The following CEP89 variants were observed in gnomAD, a reference collection of about 807,000 sequenced individuals.
CEP89 encodes centrosomal protein of 89 kDa.
In CEP89, 95 loss-of-function variants were observed where a neutral mutation model predicts 97.6. That is an observed-to-expected ratio of 0.97 (90% CI 0.82 to 1.15). CEP89 has a LOEUF of 1.15. CEP89 is among the 50% of genes most tolerant of loss of function. CEP89 has a pLI of 0.00. For synonymous variants in CEP89, 354 were observed against 349.1 expected, an observed-to-expected ratio of 1.01 and a Z score of -0.16; for missense variants, 869 against 947.7, an observed-to-expected ratio of 0.92 and a Z score of 1.09.
chr19:32,956,899 A>T (rs1287779196), intron 3 of CEP89, among the ~76,000 whole-genome samples: 1 of 152,156 alleles, frequency 6.6e-6, no homozygotes, highest in Non-Finnish European at 1.5e-5. Flanking sequence ...TCACAGTCTT[A>T]TTTGTGTGTC....
At chr19:32,889,682 G>A (rs118128543) in intron 16 of CEP89, among the ~76,000 whole-genome samples, 3,130 of 152,262 alleles carry the variant, frequency 0.021, 54 homozygotes, top group Middle Eastern at 0.061. Flanking sequence ...CCATGGGAGA[G>A]GCATGGGGCC....
chr19:32,893,449 C>T (rs571202249), intron 16 of CEP89, among the ~76,000 whole-genome samples: 1 of 152,258 alleles, frequency 6.6e-6, no homozygotes, highest in African/African-American at 2.4e-5. Flanking sequence ...GACTTCAACA[C>T]CCTACTCTCA....
At chr19:32,892,298 T>C (rs1413774690) in intron 16 of CEP89, among the ~76,000 whole-genome samples, 3 of 143,756 alleles carry the variant, frequency 2.1e-5, no homozygotes, top group East Asian at 4.0e-4. Flanking sequence ...CTTTCTTTTT[T>C]CTTTTTCCTT....
chr19:32,923,706 C>T (rs1273440055), intron 11 of CEP89, among the ~76,000 whole-genome samples, 164 bp from the exon 12 acceptor site: 2 of 152,174 alleles, frequency 1.3e-5, no homozygotes, highest in Non-Finnish European at 2.9e-5. Context: ...GTGGTGCCTG[C>T]TCTCAGGGAG....
rs1169866076 is a variant in CEP89 at position 32,933,549 on chromosome 19, G to T, written c.788C>A (p.Thr263Lys). The change falls in exon 8 of 19, where the codon ACA (threonine) becomes AAA (lysine). Residue 263 changes from threonine (T) to lysine (K), a missense_variant. Thr to Lys is a moderately conservative substitution (Grantham distance 78). Transcript: ENST00000305768. ...MNQSLTLELN[T>K]MKQAMKELQL... ...TAGTTCTTTCATTGCTTGTTTCATT[G>T]TGTTTAGTTCAAGGGTAAGGCTTTG... 1.9e-6 allele frequency: 3 copies of T among 1,613,302 alleles called. No individual in the cohort carries two copies. In the Admixed American group the frequency reaches 5.0e-5, roughly 27 times the overall value.
At chr19:32,907,455 ATTT>A (rs11323866) in intron 14 of CEP89, among the ~76,000 whole-genome samples, 9 of 142,070 alleles carry the variant, frequency 6.3e-5, no homozygotes, top group Non-Finnish European at 9.2e-5. Flanking sequence ...TGGTTTCTCT[ATTT>A]TTTTTTTTTT....
intron 3 of CEP89, among the ~76,000 whole-genome samples, chr19:32,958,134 G>C (rs576102246): frequency 4.0e-5 from 6 of 150,158 alleles, no homozygotes; most frequent in Non-Finnish European, 7.4e-5. Flanking sequence ...CGATTTACTC[G>C]TTTTTAGTTT....
intron 12 of CEP89, among the ~76,000 whole-genome samples, chr19:32,921,510 C>T (rs1001495105): frequency 2.0e-5 from 3 of 152,250 alleles, no homozygotes; most frequent in Admixed American, 2.0e-4. Context: ...CAAATCCCAA[C>T]AAATGCAGGA....
rs1970100023 is a variant in CEP89, at chr19:32,915,316, GA to G, written c.1565+20del. ...TCGAAAAAAGAAAAAAAAAAAAAAA[GA>G]AAAAACATTAAATCCTTACCTTTTT... On this transcript the variant is annotated intron_variant, in intron 14 of 18. Coordinates refer to ENST00000305768, the MANE Select transcript of CEP89 (RefSeq NM_032816.5). 1 of 1,354,136 alleles carries G rather than the reference GA, an allele frequency of 7.4e-7. No homozygotes were observed. Among genetic ancestry groups the G allele is most frequent in the South Asian group, 1.5e-5 (1 of 68,454 alleles). The allele number at this position is 1,354,136 out of a possible 1,614,324, so 83.9% of individuals were successfully genotyped here.
rs55851701 is a variant in CEP89, at chr19:32,878,416, G to A, written c.*746C>T. On this transcript the variant is annotated 3_prime_UTR_variant, in exon 19 of 19. Transcript: ENST00000305768. ...ACAAGAAAAGGCCCCCAGAGCTCAC[G>A]CACAGCTATCATCAGGGCCGGTGCC... is the stretch of plus-strand genomic sequence containing the variant. 0.049 allele frequency: 7,404 copies of A among 152,338 alleles called. 240 individuals are homozygous for A. The highest frequency in any genetic ancestry group is 0.15 in the South Asian group (710 of 4,818). The allele number at this position is 152,338 out of a possible 1,614,324, so 9.4% of individuals were successfully genotyped here. A position where few individuals can be genotyped will look rare whatever the true frequency, so the allele number is the denominator to read the frequency against.
chr19:32,942,463 T>C (rs1441572807), intron 5 of CEP89, among the ~76,000 whole-genome samples: 1 of 152,244 alleles, frequency 6.6e-6, no homozygotes, highest in Non-Finnish European at 1.5e-5. Context: ...CTAGTCTCTC[T>C]ACTTTTGTAC....
In CEP89 at chr19:32,931,551, A is replaced by G; in HGVS notation, c.907T>C (p.Tyr303His). The G allele has an allele frequency of 6.3e-7, 1 of 1,584,556 alleles. No homozygotes were observed. The highest frequency in any genetic ancestry group is 8.5e-7 in the Non-Finnish European group (1 of 1,173,644). Reference protein sequence around the residue: ...SQEVAAPELLYLRKQAQELVD... With the variant: ...SQEVAAPELLHLRKQAQELVD... ...AGTTCTTGAGCTTGTTTTCGCAGATAAAGTAATTCAGGTGCAGCAACTAGG... is the reference window on the plus strand; with the variant it reads ...AGTTCTTGAGCTTGTTTTCGCAGATGAAGTAATTCAGGTGCAGCAACTAGG... The change falls in exon 9 of 19, where the codon TAT (tyrosine) becomes CAT (histidine). Residue 303 changes from tyrosine to histidine, a missense_variant. Coordinates refer to ENST00000305768, the MANE Select transcript of CEP89 (RefSeq NM_032816.5).
At chr19:32,958,017 C>A (rs1180798002) in intron 3 of CEP89, among the ~76,000 whole-genome samples, 3 of 149,332 alleles carry the variant, frequency 2.0e-5, no homozygotes, top group Non-Finnish European at 3.0e-5. Context: ...AAAAAATCCC[C>A]CCCCCGCCAA....
intron 2 of CEP89, chr19:32,966,054 T>C: frequency 3.9e-6 from 1 of 258,066 alleles, no homozygotes; most frequent in Non-Finnish European, 7.3e-6. Flanking sequence ...ATGTGTATAA[T>C]TCAAAATTCC....
intron 14 of CEP89, among the ~76,000 whole-genome samples, chr19:32,904,702 CT>C (rs1490899019): frequency 2.6e-5 from 4 of 151,918 alleles, no homozygotes; most frequent in Non-Finnish European, 5.9e-5. Context: ...AGCGGTTCTC[CT>C]GCCTCAGCCT....
chr19:32,955,511 T>C (rs533140847), intron 3 of CEP89, among the ~76,000 whole-genome samples: 1 of 152,260 alleles, frequency 6.6e-6, no homozygotes, highest in East Asian at 1.9e-4. Flanking sequence ...TAAATTCTTT[T>C]TTTCTTTATC....
Position 32,898,397 on chromosome 19 carries a change from G to A in CEP89, c.1875+1460C>T, listed in dbSNP as rs185542141. ...CTAGGATGCATGTGGGTATGGGTGT[G>A]TTTGTGGGGGGCTGGGGGGCAGGTG... On this transcript the variant is annotated intron_variant, in intron 16 of 18. Transcript: ENST00000305768. Among the ~76,000 whole-genome samples the A allele has an allele frequency of 7.8e-4, 118 of 152,164 alleles. 2 individuals carry two copies. Among genetic ancestry groups the A allele is most frequent in the Middle Eastern group, 3.4e-3 (1 of 294 alleles).
intron 5 of CEP89, among the ~76,000 whole-genome samples, chr19:32,944,754 C>T (rs1407165779): frequency 6.6e-6 from 1 of 152,188 alleles, no homozygotes; most frequent in African/African-American, 2.4e-5. Context: ...GCAGCTCTGA[C>T]CAACGGTACA....
In CEP89 at chr19:32,918,239, C is replaced by G. The variant is rs1222111561; in HGVS notation, c.1369G>C (p.Glu457Gln). The G allele has an allele frequency of 1.9e-6, 3 of 1,613,776 alleles. No homozygotes were observed. The change falls in exon 13 of 19, where the codon GAG becomes CAG. Residue 457 changes from glutamate (E) to glutamine (Q), a missense_variant. Physicochemically the swap from Glu to Gln is conservative, Grantham distance 29. Transcript: ENST00000305768. ...QQRKAKDSHQ[E>Q]RLQEVSKLTK... ...AGGACCTCACCTTCTTGGAGGCGCT[C>G]CTGGTGGCTGTCCTTGGCTTTCCTT...
Sources: gnomAD v4.1 joint callset for allele counts (sites outside exome capture counted in the v4.1 genomes callset) on GRCh38, gnomAD v4.1.1 for gene constraint, MANE v1.5 for transcripts, NCBI Gene and HGNC (gene_info 2026-07-23, HGNC 2026-07-21) for gene names.